PTPRG: variants seen among roughly 807,000 people sequenced by gnomAD.
The protein encoded by PTPRG is protein tyrosine phosphatase receptor type G.
A neutral mutation model predicts 165.3 loss-of-function variants in PTPRG; 102 were observed. The ratio of observed to expected loss-of-function variants is 0.62; its 90% CI spans 0.53 to 0.73. The LOEUF is 0.73. Ranked by LOEUF, PTPRG falls within the 30% of genes least tolerant of loss-of-function variation. The pLI, the probability that PTPRG is intolerant of heterozygous loss-of-function variation, is 0.00. For synonymous variants in PTPRG, 675 were observed against 669.5 expected, an observed-to-expected ratio of 1.01 and a Z score of -0.13; for missense variants, 1,866 against 1,861.4, an observed-to-expected ratio of 1.00 and a Z score of -0.05.
intron 13 of PTPRG, among the ~76,000 whole-genome samples, chr3:62,226,502 T>A (rs894273243): frequency 6.6e-6 from 1 of 152,248 alleles, no homozygotes; most frequent in Admixed American, 6.5e-5. Flanking sequence ...TTGAATAATA[T>A]AACCTATTTG....
intron 8 of PTPRG, among the ~76,000 whole-genome samples, chr3:62,189,585 G>A (rs866893401): frequency 2.0e-5 from 3 of 152,052 alleles, no homozygotes; most frequent in Non-Finnish European, 4.4e-5. Flanking sequence ...CTCCTTACCC[G>A]GCACATCACC....
intron 4 of PTPRG, among the ~76,000 whole-genome samples, chr3:62,063,546 A>G (rs1700892464): frequency 1.3e-5 from 2 of 152,216 alleles, no homozygotes; most frequent in South Asian, 4.1e-4. Flanking sequence ...GCACAGTGTA[A>G]TTTTATGGCT....
chr3:62,163,725 C>T (rs1704857702), intron 7 of PTPRG, among the ~76,000 whole-genome samples: 1 of 152,136 alleles, frequency 6.6e-6, no homozygotes, highest in Non-Finnish European at 1.5e-5. Context: ...TGCTGTGTGC[C>T]AGGAATCATT....
intron 3 of PTPRG, among the ~76,000 whole-genome samples, chr3:61,993,366 C>T (rs747570292): frequency 4.6e-5 from 7 of 151,848 alleles, no homozygotes; most frequent in Non-Finnish European, 7.4e-5. Flanking sequence ...TACAGGCATG[C>T]GCCACCACAC....
chr3:61,833,792 T>C (rs1311559372), intron 2 of PTPRG, among the ~76,000 whole-genome samples: 1 of 152,124 alleles, frequency 6.6e-6, no homozygotes, highest in Non-Finnish European at 1.5e-5. Flanking sequence ...TTCGAACTCC[T>C]GAGCTAAGGC....
At chr3:62,153,516 T>G (rs541310854) in intron 6 of PTPRG, among the ~76,000 whole-genome samples, 8 of 152,048 alleles carry the variant, frequency 5.3e-5, no homozygotes, top group African/African-American at 1.9e-4. Flanking sequence ...GGACAATATA[T>G]CTAACATGGT....
chr3:61,822,934 A>G (rs149086050), intron 2 of PTPRG, among the ~76,000 whole-genome samples: 77 of 152,160 alleles, frequency 5.1e-4, no homozygotes, highest in African/African-American at 1.6e-3. Context: ...ACTTGAAAAC[A>G]CCTCCCTGTG....
chr3:61,927,361 G>C (rs570761602), intron 2 of PTPRG, among the ~76,000 whole-genome samples: 1 of 152,124 alleles, frequency 6.6e-6, no homozygotes, highest in East Asian at 1.9e-4. Flanking sequence ...TTTGGAGGCC[G>C]AGCTCTCAAA....
At chr3:62,053,228 G>A (rs991714934) in intron 4 of PTPRG, among the ~76,000 whole-genome samples, 2 of 145,106 alleles carry the variant, frequency 1.4e-5, no homozygotes, top group African/African-American at 5.1e-5. Flanking sequence ...TCAGTAATTT[G>A]TTAGTGATTA....
intron 2 of PTPRG, among the ~76,000 whole-genome samples, chr3:61,821,449 G>A (rs1022013482): frequency 2.6e-5 from 4 of 152,200 alleles, no homozygotes; most frequent in South Asian, 2.1e-4. Flanking sequence ...GATTACAGGC[G>A]TGAGCCACCG....
chr3:61,974,407 G>A (rs541317217), intron 2 of PTPRG, among the ~76,000 whole-genome samples: 5 of 152,036 alleles, frequency 3.3e-5, no homozygotes, highest in Admixed American at 2.6e-4. Context: ...ATAAAAATCA[G>A]CCGGGCATTA....
intron 1 of PTPRG, among the ~76,000 whole-genome samples, chr3:61,584,439 C>T (rs774856082): frequency 4.6e-5 from 7 of 152,244 alleles, no homozygotes; most frequent in South Asian, 2.1e-4. Flanking sequence ...TCTTGTCCCT[C>T]GCTCCATTTC....
chr3:62,071,311 A>G (rs1331352665), intron 4 of PTPRG, among the ~76,000 whole-genome samples: 1 of 151,814 alleles, frequency 6.6e-6, no homozygotes, highest in Admixed American at 6.6e-5. Flanking sequence ...AAATCTGCAT[A>G]TAAATTACTG....
intron 2 of PTPRG, among the ~76,000 whole-genome samples, chr3:61,759,451 T>A (rs1352394775): frequency 6.6e-6 from 1 of 151,940 alleles, no homozygotes; most frequent in African/African-American, 2.4e-5. Context: ...GCCGAGGAGT[T>A]CGAGACCAGC....
rs1361900366 is a variant in PTPRG at position 61,680,533 on chromosome 3, A to C, written c.86-68345A>C. On this transcript the variant is annotated intron_variant, in intron 1 of 29. Transcript: ENST00000474889. ...AAAAAAAAAAACACAAAAAAACAGC[A>C]TGGGAGCCTGGCAAAATATGTGGGT... is the stretch of plus-strand genomic sequence containing the variant. Among the ~76,000 whole-genome samples the C allele has an allele frequency of 2.0e-5, 3 of 147,818 alleles. No individual in the cohort carries two copies. In the Admixed American group the frequency reaches 2.1e-4, roughly 10 times the overall value.
intron 4 of PTPRG, among the ~76,000 whole-genome samples, chr3:62,028,289 C>A (rs1168912956): frequency 1.3e-5 from 2 of 149,770 alleles, no homozygotes; most frequent in Non-Finnish European, 2.9e-5. Context: ...GGAAAATATT[C>A]TTATGTTTCT....
chr3:62,253,209 G>GACA (rs1376701587), intron 15 of PTPRG, among the ~76,000 whole-genome samples: 1 of 152,140 alleles, frequency 6.6e-6, no homozygotes, highest in Non-Finnish European at 1.5e-5. Context: ...TTCTAAAGCT[G>GACA]ACATGTTTTT....
chr3:62,177,212 G>A (rs1705460645), intron 8 of PTPRG, among the ~76,000 whole-genome samples: 1 of 152,156 alleles, frequency 6.6e-6, no homozygotes, highest in Admixed American at 6.5e-5. Context: ...CTTGAGCCCA[G>A]GGGGTTGAGG....
chr3:61,987,176 G>C (rs138228059), intron 2 of PTPRG, among the ~76,000 whole-genome samples: 1 of 152,310 alleles, frequency 6.6e-6, no homozygotes, highest in East Asian at 1.9e-4. Context: ...TGCAAGGCAA[G>C]GGTGTCTGAA....
Sources: allele counts gnomAD v4.1 joint callset (sites outside exome capture counted in the v4.1 genomes callset), GRCh38; gene constraint gnomAD v4.1.1; transcripts MANE v1.5; gene names NCBI Gene and HGNC (gene_info 2026-07-23, HGNC 2026-07-21).